Variants in KIAA0232 observed in about 807,000 individuals in gnomAD.
KIAA0232 encodes the protein KIAA0232, also known as uncharacterized protein KIAA0232.
A neutral mutation model predicts 122.0 loss-of-function variants in KIAA0232; 27 were observed. That is an observed-to-expected ratio of 0.22 (90% CI 0.16 to 0.31). The LOEUF is 0.31. KIAA0232 is among the 10% of genes least tolerant of loss of function. The probability of loss-of-function intolerance (pLI) is 1.00; values close to 1 mark genes in which losing one functional copy is unlikely to be tolerated. For missense variants in KIAA0232, 1,551 were observed against 1,634.2 expected (o/e 0.95, Z 0.88); for synonymous variants, 613 against 587.6 (o/e 1.04, Z -0.63).
At chr4:6,850,816 C>T (rs1354735971) in intron 4 of KIAA0232, among the ~76,000 whole-genome samples, 3 of 152,074 alleles carry the variant, frequency 2.0e-5, no homozygotes, top group Non-Finnish European at 2.9e-5. Context: ...ACTACAGGCA[C>T]ATGCCACCAC....
intron 5 of KIAA0232, 89 bp downstream of exon 5, chr4:6,857,319 G>T (rs1261174303): frequency 1.7e-6 from 2 of 1,153,674 alleles, no homozygotes; most frequent in African/African-American, 3.1e-5. Flanking sequence ...GATCAGAAAA[G>T]AAAACAACCA....
chr4:6,783,407 G>C (rs1480776307), intron 1 of KIAA0232, among the ~76,000 whole-genome samples: 1 of 152,226 alleles, frequency 6.6e-6, no homozygotes, highest in Non-Finnish European at 1.5e-5. Flanking sequence ...GGCTCTTCTA[G>C]GGGAGACGAG....
intron 4 of KIAA0232, among the ~76,000 whole-genome samples, chr4:6,846,638 C>T (rs1719981424): frequency 6.6e-6 from 1 of 151,938 alleles, no homozygotes; most frequent in Non-Finnish European, 1.5e-5. Flanking sequence ...AACCAGCTCA[C>T]TGGCCTCTTG....
Position 6,862,085 on chromosome 4 carries a change from C to T in KIAA0232, c.1703C>T (p.Thr568Ile). Residue 568 changes from threonine to isoleucine, a missense_variant, in exon 7 of 10, where the codon ACA (threonine) becomes ATA (isoleucine). By Grantham distance (89) the Thr-to-Ile change is moderately conservative. This residue lies in a region of KIAA0232 where 1,108 missense variants were observed against 1,154.8 expected (regional missense o/e 0.96). Coordinates refer to ENST00000307659, the MANE Select transcript of KIAA0232 (RefSeq NM_014743.3). ...TTGCAAGGGGAACGTGCAATATGGA[C>T]AGATTCTACCAGCTCCGTAGGTGCT... The part of the protein sequence containing the change: ...MELQGERAIW[T>I]DSTSSVGAEG... The T allele has an allele frequency of 6.2e-7, 1 of 1,614,140 alleles. No homozygotes were observed. Among genetic ancestry groups the T allele is most frequent in the Non-Finnish European group, 8.5e-7 (1 of 1,180,028 alleles).
chr4:6,866,532 G>C (rs546885815), intron 7 of KIAA0232, among the ~76,000 whole-genome samples: 5 of 152,284 alleles, frequency 3.3e-5, no homozygotes, highest in Admixed American at 3.3e-4. Flanking sequence ...CTGTCACATT[G>C]CTTGGTCAGT....
chr4:6,792,201 G>T (rs1409907030), intron 1 of KIAA0232, among the ~76,000 whole-genome samples: 5 of 152,116 alleles, frequency 3.3e-5, no homozygotes, highest in Non-Finnish European at 5.9e-5. Context: ...GTACAGATTT[G>T]CTTTACCATG....
intron 1 of KIAA0232, among the ~76,000 whole-genome samples, chr4:6,784,146 T>G (rs1185956887): frequency 6.6e-6 from 1 of 151,806 alleles, no homozygotes; most frequent in African/African-American, 2.4e-5. Flanking sequence ...GCATGCGAGA[T>G]TCTTTGGAAA....
rs747737732 is a variant in KIAA0232 at position 6,862,375 on chromosome 4, G to A, written c.1993G>A (p.Glu665Lys). ...CSNSVLPFSF[E>K]TLNLGNENTD... ...TAATTCTGTTTTACCATTTTCTTTT[G>A]AAACACTCAACTTGGGAAATGAAAA... is the stretch of plus-strand genomic sequence containing the variant. Residue 665 changes from glutamate (E) to lysine (K), a missense_variant, in exon 7 of 10, where the codon GAA (glutamate) becomes AAA (lysine). Physicochemically the swap from Glu to Lys is moderately conservative, Grantham distance 56. Coordinates refer to ENST00000307659, the MANE Select transcript of KIAA0232 (RefSeq NM_014743.3). The A allele has an allele frequency of 1.5e-5, 24 of 1,613,964 alleles. No homozygotes were observed. The highest frequency in any genetic ancestry group is 2.0e-5 in the Non-Finnish European group (24 of 1,180,012).
At chr4:6,802,523 C>A (rs1430693928) in intron 1 of KIAA0232, among the ~76,000 whole-genome samples, 1 of 152,100 alleles carries the variant, frequency 6.6e-6, no homozygotes, top group African/African-American at 2.4e-5. Context: ...TTCTCTTTCT[C>A]TGTGACTCTT....
At chr4:6,783,396 C>G (rs1716448391) in intron 1 of KIAA0232, among the ~76,000 whole-genome samples, 1 of 152,198 alleles carries the variant, frequency 6.6e-6, no homozygotes. Flanking sequence ...CGCGCCGGGG[C>G]GGCTCTTCTA....
intron 1 of KIAA0232, among the ~76,000 whole-genome samples, chr4:6,785,179 C>T (rs1026551381): frequency 2.0e-5 from 3 of 152,072 alleles, no homozygotes; most frequent in Non-Finnish European, 1.5e-5. Context: ...CCTCGTGATC[C>T]GCCTGCCTCA....
Position 6,861,726 on chromosome 4 carries a change from T to C in KIAA0232, c.1344T>C (p.Leu448=). The C allele has an allele frequency of 6.2e-7, 1 of 1,614,168 alleles. No homozygotes were observed. The highest frequency in any genetic ancestry group is 8.5e-7 in the Non-Finnish European group (1 of 1,180,038). Residue 448 remains leucine, a synonymous_variant, in exon 7 of 10, where the codon CTT becomes CTC. Coordinates refer to ENST00000307659, the MANE Select transcript of KIAA0232 (RefSeq NM_014743.3). ...AATTGTCTGAATCAGTGCATGGTCT[T>C]TGTATCAGCAACAATAATCTTCATA... is the stretch of plus-strand genomic sequence containing the variant. ...VEELSESVHG[L]CISNNNLHKT... is the part of the protein sequence containing the mutation.
intron 2 of KIAA0232, among the ~76,000 whole-genome samples, chr4:6,821,555 G>A (rs1056445870): frequency 2.6e-5 from 4 of 151,832 alleles, no homozygotes; most frequent in Middle Eastern, 6.8e-3. Flanking sequence ...CCATTACTTC[G>A]TTCCTTTTTG....
intron 8 of KIAA0232, among the ~76,000 whole-genome samples, chr4:6,871,912 T>C (rs1721512679): frequency 6.6e-6 from 1 of 152,194 alleles, no homozygotes; most frequent in African/African-American, 2.4e-5. Context: ...CAAGCGTTAC[T>C]GACCATGGAT....
chr4:6,817,831 C>T (rs1718209402), intron 2 of KIAA0232, among the ~76,000 whole-genome samples: 1 of 151,986 alleles, frequency 6.6e-6, no homozygotes, highest in African/African-American at 2.4e-5. Flanking sequence ...ATTTTTGTTT[C>T]ATATGTTTTG....
At chr4:6,811,715 G>C (rs1213988770) in intron 2 of KIAA0232, among the ~76,000 whole-genome samples, 1 of 150,898 alleles carries the variant, frequency 6.6e-6, no homozygotes, top group Non-Finnish European at 1.5e-5. Flanking sequence ...AAAGTGCCGG[G>C]ATTATTGGTG....
intron 4 of KIAA0232, among the ~76,000 whole-genome samples, chr4:6,852,993 A>T (rs964979607): frequency 5.3e-5 from 8 of 152,248 alleles, no homozygotes; most frequent in African/African-American, 1.7e-4. Flanking sequence ...CCAGAGTAAC[A>T]GCCTTTCCTC....
At chr4:6,800,937 C>T (rs1456419713) in intron 1 of KIAA0232, among the ~76,000 whole-genome samples, 2 of 152,124 alleles carry the variant, frequency 1.3e-5, no homozygotes, top group Non-Finnish European at 2.9e-5. Flanking sequence ...AGTGCTTTTC[C>T]AACAGCTTAT....
At chr4:6,802,451 T>C (rs922021863) in intron 1 of KIAA0232, among the ~76,000 whole-genome samples, 1 of 152,160 alleles carries the variant, frequency 6.6e-6, no homozygotes, top group East Asian at 1.9e-4. Flanking sequence ...TCTTAGAAAT[T>C]TTTTGATTGA....
Sources: allele counts gnomAD v4.1 joint callset (sites outside exome capture counted in the v4.1 genomes callset), GRCh38; gene constraint gnomAD v4.1.1; regional missense constraint gnomAD v4.1.1; transcripts MANE v1.5; gene names NCBI Gene and HGNC (gene_info 2026-07-23, HGNC 2026-07-21).